TNR: variants seen among roughly 807,000 people sequenced by gnomAD.
TNR encodes the protein tenascin-R.
TNR carries 45 observed loss-of-function variants against 150.4 expected under a neutral mutation model. That is an observed-to-expected ratio of 0.30 (90% CI 0.24 to 0.38). The LOEUF is 0.38. TNR is among the 10% of genes least tolerant of loss of function. The pLI is 1.00. For synonymous variants in TNR, 687 were observed against 678.4 expected (o/e 1.01, Z -0.20); for missense variants, 1,544 against 1,759.1 (o/e 0.88, Z 2.19).
intron 1 of TNR, among the ~76,000 whole-genome samples, chr1:175,543,786 G>A (rs574881868): frequency 6.6e-6 from 1 of 152,270 alleles, no homozygotes; most frequent in Admixed American, 6.5e-5. Flanking sequence ...GAATGGGCAA[G>A]TTTGGGGTAA....
intron 18 of TNR, among the ~76,000 whole-genome samples, chr1:175,351,393 T>C (rs751766377): frequency 5.3e-5 from 8 of 152,174 alleles, no homozygotes; most frequent in Admixed American, 2.6e-4. Flanking sequence ...CAGGGAAATT[T>C]GCATTGAGGT....
chr1:175,491,348 A>T (rs73044481), intron 2 of TNR, among the ~76,000 whole-genome samples: 2,050 of 152,308 alleles, frequency 0.013, 55 homozygotes, highest in African/African-American at 0.047. Context: ...AAACTTGTGC[A>T]CCTAACACAT....
intron 19 of TNR, among the ~76,000 whole-genome samples, chr1:175,336,670 G>A (rs1334414985): frequency 6.6e-6 from 1 of 152,216 alleles, no homozygotes; most frequent in Admixed American, 6.5e-5. Context: ...AGGAAACAGT[G>A]TCTCTCTTTT....
At chr1:175,513,299 T>A (rs2102161367) in intron 2 of TNR, among the ~76,000 whole-genome samples, 2 of 152,320 alleles carry the variant, frequency 1.3e-5, no homozygotes, top group Middle Eastern at 6.8e-3. Flanking sequence ...CTCTGAGCTA[T>A]AACTCTCCTG....
chr1:175,524,102 C>A (rs1287220074), intron 2 of TNR, among the ~76,000 whole-genome samples: 1 of 152,078 alleles, frequency 6.6e-6, no homozygotes, highest in Non-Finnish European at 1.5e-5. Context: ...AATAATGATT[C>A]CCACCCTGCC....
At chr1:175,375,582 C>G (rs1652340418) in intron 9 of TNR, among the ~76,000 whole-genome samples, 1 of 152,066 alleles carries the variant, frequency 6.6e-6, no homozygotes, top group Admixed American at 6.5e-5. Context: ...CCAGCCAGCT[C>G]TGGGAATGTC....
chr1:175,617,832 G>A lies in TNR; in HGVS notation c.-164-89463C>T, dbSNP rs114356228. On this transcript the variant is annotated intron_variant, in intron 1 of 22. Transcript: ENST00000367674. ...TTTCACAGAAGTTTCACACAAATACGATCTTTTAAAAAATCTTTATCTTTT... is the reference window on the plus strand; with the variant it reads ...TTTCACAGAAGTTTCACACAAATACAATCTTTTAAAAAATCTTTATCTTTT... Among the ~76,000 whole-genome samples, 535 of 152,144 alleles carry A rather than the reference G, an allele frequency of 3.5e-3. 3 individuals carry two copies. The highest frequency in any genetic ancestry group is 0.012 in the African/African-American group (497 of 41,492).
intron 1 of TNR, among the ~76,000 whole-genome samples, chr1:175,713,220 G>GT (rs1558086697): frequency 6.6e-6 from 1 of 152,172 alleles, no homozygotes; most frequent in Non-Finnish European, 1.5e-5. Context: ...GTGGTTACAC[G>GT]TAAGAATCAA....
chr1:175,411,377 G>A (rs962667494), intron 2 of TNR, among the ~76,000 whole-genome samples: 1 of 152,126 alleles, frequency 6.6e-6, no homozygotes, highest in Non-Finnish European at 1.5e-5. Context: ...AGTGGGTTTT[G>A]AGGAGCTAAC....
rs1383358879 is a variant in TNR, at chr1:175,359,823, A to T, written c.2855-92T>A. ...TCAGAAGTTCCACTCATGGTGCAAG[A>T]CTGCTGCTGCACTCTACAAAACAAA... On this transcript the variant is annotated intron_variant, in intron 14 of 22. Transcript: ENST00000367674. The T allele has an allele frequency of 9.5e-6, 14 of 1,474,606 alleles. No homozygotes were observed. In the East Asian group the frequency reaches 2.8e-4, roughly 30 times the overall value. 91.3% of individuals were successfully genotyped at this position (1,474,606 alleles called of 1,614,324 possible).
rs761348114 is a variant in TNR at position 175,367,227 on chromosome 1, G to A, written c.2034C>T (p.Ala678=). ...ACTCACCAGTCCTGGCATTCATGGT[G>A]GCTGGCACGCTTTGCTGTGAGTTCA... The part of the protein sequence containing the change: ...AVMNSQQSVP[A]TMNARTELDS... The change falls in exon 10 of 23, where the codon GCC becomes GCT. Residue 678 remains alanine (A), a synonymous_variant. Transcript: ENST00000367674. 2 of 1,614,136 alleles carry A rather than the reference G, an allele frequency of 1.2e-6. No individual in the cohort carries two copies. The highest frequency in any genetic ancestry group is 2.2e-5 in the East Asian group (1 of 44,888).
In TNR at chr1:175,695,985, T is replaced by TATGG. The variant is rs112381209; in HGVS notation, c.-165+47237_-165+47240dup. Reference sequence around the variant, plus strand: ...GCATGGATGCATGGACAGATGGATATATGGATGGATGGATGGATGGATGGA... The same window carrying TATGG: ...GCATGGATGCATGGACAGATGGATATATGGATGGATGGATGGATGGATGGATGGA... On this transcript the variant is annotated intron_variant, in intron 1 of 22. Coordinates refer to ENST00000367674, the MANE Select transcript of TNR (RefSeq NM_003285.3). Among the ~76,000 whole-genome samples the TATGG allele has an allele frequency of 6.0e-3, 897 of 148,952 alleles. 6 individuals carry two copies. Among genetic ancestry groups the TATGG allele is most frequent in the African/African-American group, 0.011 (441 of 39,188 alleles).
intron 1 of TNR, among the ~76,000 whole-genome samples, chr1:175,581,073 A>C (rs1411029210): frequency 6.6e-6 from 1 of 152,218 alleles, no homozygotes; most frequent in Non-Finnish European, 1.5e-5. Flanking sequence ...TCAGTGGAAC[A>C]AGCTTGAACT....
intron 1 of TNR, among the ~76,000 whole-genome samples, chr1:175,685,883 G>A (rs1270198004): frequency 1.3e-5 from 2 of 150,412 alleles, no homozygotes; most frequent in Non-Finnish European, 2.9e-5. Context: ...CTGACACTGT[G>A]GTTCTCATGT....
chr1:175,431,065 G>A lies in TNR; in HGVS notation c.-63-24288C>T, dbSNP rs184468432. Among the ~76,000 whole-genome samples the A allele has an allele frequency of 4.3e-4, 65 of 152,162 alleles. 1 individual carries two copies. Among genetic ancestry groups the A allele is most frequent in the African/African-American group, 1.5e-3 (61 of 41,510 alleles). ...TCATAACAGTACCTATTCCAGGGAC[G>A]GAATCTTTCACGGCTCCACACAGGG... On this transcript the variant is annotated intron_variant, in intron 2 of 22. Coordinates refer to ENST00000367674, the MANE Select transcript of TNR (RefSeq NM_003285.3).
At chr1:175,730,061 T>C (rs573290385) in intron 1 of TNR, among the ~76,000 whole-genome samples, 2 of 152,322 alleles carry the variant, frequency 1.3e-5, no homozygotes, top group South Asian at 4.1e-4. Context: ...ATGAGTATCC[T>C]GAAAGGAAGA....
At chr1:175,564,725 C>T (rs1661571786) in intron 1 of TNR, among the ~76,000 whole-genome samples, 2 of 152,268 alleles carry the variant, frequency 1.3e-5, no homozygotes, top group South Asian at 4.1e-4. Context: ...AACACACCTA[C>T]ACACTGATTT....
chr1:175,441,765 T>C (rs1655797019), intron 2 of TNR, among the ~76,000 whole-genome samples: 1 of 152,132 alleles, frequency 6.6e-6, no homozygotes, highest in African/African-American at 2.4e-5. Flanking sequence ...TCCCAGCTGA[T>C]GATTTCTGAC....
At position 175,365,254 on chromosome 1, in the gene TNR, G is replaced by A. The variant is rs1651779535; in HGVS notation, c.2343C>T (p.His781=). The change falls in exon 12 of 23, where the codon CAC becomes CAT. Residue 781 remains histidine (H), a synonymous_variant. Transcript: ENST00000367674. ...FTGFRPISHL[H]FSHVTSSSVN... Reference sequence around the variant, plus strand: ...CACTGGAGGAGGTCACATGAGAAAAGTGCAGATGAGAGATGGGACGGAAGC... The same window carrying A: ...CACTGGAGGAGGTCACATGAGAAAAATGCAGATGAGAGATGGGACGGAAGC... The A allele has an allele frequency of 6.2e-7, 1 of 1,611,680 alleles. No homozygotes were observed. The highest frequency in any genetic ancestry group is 8.5e-7 in the Non-Finnish European group (1 of 1,178,272).
Sources: gnomAD v4.1 joint callset for allele counts (sites outside exome capture counted in the v4.1 genomes callset) on GRCh38, gnomAD v4.1.1 for gene constraint, MANE v1.5 for transcripts, NCBI Gene and HGNC (gene_info 2026-07-23, HGNC 2026-07-21) for gene names.